CTNND2: variants seen among roughly 807,000 people sequenced by gnomAD.
The protein encoded by CTNND2 is catenin delta-2.
Under a neutral mutation model 144.4 loss-of-function variants are expected in CTNND2, and 22 were observed. The ratio of observed to expected loss-of-function variants is 0.15; its 90% CI spans 0.11 to 0.22. The LOEUF is 0.22. Ranked by LOEUF, CTNND2 falls within the 10% of genes least tolerant of loss-of-function variation. The pLI is 1.00. For missense variants in CTNND2, 1,353 were observed against 1,618.8 expected, an observed-to-expected ratio of 0.84 and a Z score of 2.82; for synonymous variants, 751 against 695.6, an observed-to-expected ratio of 1.08 and a Z score of -1.25.
At chr5:11,716,346 G>A (rs1032172430) in intron 2 of CTNND2, among the ~76,000 whole-genome samples, 1 of 152,178 alleles carries the variant, frequency 6.6e-6, no homozygotes, top group African/African-American at 2.4e-5. Flanking sequence ...AAGGATAAAT[G>A]TAACTTCTCA....
chr5:11,490,974 C>T (rs1170499782), intron 3 of CTNND2, among the ~76,000 whole-genome samples: 3 of 151,970 alleles, frequency 2.0e-5, no homozygotes, highest in Admixed American at 1.3e-4. Context: ...GGTCACAGAG[C>T]GAGACCTTGT....
chr5:11,784,463 C>T (rs916901557), intron 1 of CTNND2, among the ~76,000 whole-genome samples: 23 of 152,100 alleles, frequency 1.5e-4, no homozygotes, highest in Non-Finnish European at 2.9e-4. Flanking sequence ...TAATCCATAT[C>T]CTTTTATTAT....
chr5:11,205,367 GA>G (rs1554000455), intron 10 of CTNND2, among the ~76,000 whole-genome samples: 5 of 152,088 alleles, frequency 3.3e-5, no homozygotes, highest in Non-Finnish European at 2.9e-5. Flanking sequence ...GGAATGCGGT[GA>G]TTTTTTTGCT....
chr5:11,849,398 G>A (rs534121757), intron 1 of CTNND2, among the ~76,000 whole-genome samples: 1 of 152,240 alleles, frequency 6.6e-6, no homozygotes, highest in East Asian at 1.9e-4. Flanking sequence ...AAAAAAATGA[G>A]CCATGATCAG....
At chr5:11,766,444 G>C (rs1379272823) in intron 1 of CTNND2, among the ~76,000 whole-genome samples, 3 of 152,178 alleles carry the variant, frequency 2.0e-5, no homozygotes, top group Non-Finnish European at 4.4e-5. Context: ...AGTCTCACAA[G>C]ATCTGATGGT....
At chr5:11,471,031 G>A (rs1767178894) in intron 3 of CTNND2, among the ~76,000 whole-genome samples, 1 of 140,052 alleles carries the variant, frequency 7.1e-6, no homozygotes, top group African/African-American at 2.6e-5. Context: ...AGGCTGGAGT[G>A]CAGTGGCGCG....
intron 1 of CTNND2, among the ~76,000 whole-genome samples, chr5:11,833,294 T>A (rs1435598886): frequency 6.6e-6 from 1 of 152,166 alleles, no homozygotes; most frequent in Non-Finnish European, 1.5e-5. Flanking sequence ...TACTCAGTAT[T>A]TTTTTAATGT....
At chr5:11,097,242 C>T (rs915897746) in intron 15 of CTNND2, among the ~76,000 whole-genome samples, 4 of 152,176 alleles carry the variant, frequency 2.6e-5, no homozygotes, top group Admixed American at 6.5e-5. Context: ...GATGTAAGTC[C>T]TCATTCCAGG....
intron 2 of CTNND2, among the ~76,000 whole-genome samples, chr5:11,669,006 C>T (rs1783725760): frequency 6.6e-6 from 1 of 152,172 alleles, no homozygotes; most frequent in African/African-American, 2.4e-5. Flanking sequence ...GCCCTTTCTG[C>T]ATCTCTTGAG....
At chr5:11,697,878 G>C (rs1346456781) in intron 2 of CTNND2, among the ~76,000 whole-genome samples, 2 of 152,094 alleles carry the variant, frequency 1.3e-5, no homozygotes, top group Admixed American at 1.3e-4. Flanking sequence ...TATGAAAAAA[G>C]GCAAACAGCA....
Position 11,685,635 on chromosome 5 carries a change from T to A in CTNND2, c.174+46501A>T, listed in dbSNP as rs569177818. On this transcript the variant is annotated intron_variant, in intron 2 of 21. Transcript: ENST00000304623. ...ATGGAAACTCTAAAGACTTTGCATA[T>A]ATCCACTGAAAATTCTTTAAGTTAA... 1.2e-4 allele frequency among the ~76,000 whole-genome samples: 18 copies of A among 152,342 alleles called. No individual in the cohort carries two copies. The East Asian group carries it at 3.3e-3, about 28-fold the overall frequency.
rs1367446744 is a variant in CTNND2, at chr5:11,384,196, T to C, written c.1177+469A>G. ...AATTCATTATTAATTATTTCCCCACTACTATTGAAAACTATGTAAGCTGAA... is the reference window on the plus strand; with the variant it reads ...AATTCATTATTAATTATTTCCCCACCACTATTGAAAACTATGTAAGCTGAA... On this transcript the variant is annotated intron_variant, in intron 7 of 21. Transcript: ENST00000304623. This position sits in a 1 kb window ranked among gnomAD's most constrained non-coding sequence, Gnocchi z 5.2. Among the ~76,000 whole-genome samples the C allele has an allele frequency of 6.6e-6, 1 of 152,210 alleles. No homozygotes were observed. The highest frequency in any genetic ancestry group is 1.5e-5 in the Non-Finnish European group (1 of 68,032).
intron 19 of CTNND2, among the ~76,000 whole-genome samples, chr5:10,992,297 G>C (rs1554018847): frequency 4.6e-5 from 7 of 152,172 alleles, no homozygotes; most frequent in Non-Finnish European, 1.0e-4. Context: ...CTTTATACTC[G>C]TTCCTCCTGA....
chr5:11,054,392 A>G (rs1327705625), intron 16 of CTNND2, among the ~76,000 whole-genome samples: 1 of 152,224 alleles, frequency 6.6e-6, no homozygotes, highest in Non-Finnish European at 1.5e-5. Context: ...AAAATGTACA[A>G]CAATGCCCAA....
intron 9 of CTNND2, among the ~76,000 whole-genome samples, chr5:11,341,887 G>A (rs1437055731): frequency 6.6e-6 from 1 of 152,144 alleles, no homozygotes; most frequent in Admixed American, 6.5e-5. Flanking sequence ...TGGCCAGCCT[G>A]TAGTCCCACC....
chr5:11,586,908 T>G (rs144264043), intron 2 of CTNND2, among the ~76,000 whole-genome samples: 12 of 152,200 alleles, frequency 7.9e-5, no homozygotes, highest in Non-Finnish European at 1.5e-4. Flanking sequence ...TAGTATGTTT[T>G]CAGATATATC....
At chr5:11,309,110 G>A (rs893528702) in intron 9 of CTNND2, among the ~76,000 whole-genome samples, 2 of 152,204 alleles carry the variant, frequency 1.3e-5, no homozygotes, top group Non-Finnish European at 1.5e-5. Flanking sequence ...TGAGATTTGG[G>A]CAGGGACACA....
At chr5:11,815,043 T>C (rs1581928798) in intron 1 of CTNND2, among the ~76,000 whole-genome samples, 2 of 152,240 alleles carry the variant, frequency 1.3e-5, no homozygotes, top group East Asian at 3.8e-4. Context: ...GCCAGAATCC[T>C]ACTTGCTAAA....
intron 3 of CTNND2, among the ~76,000 whole-genome samples, chr5:11,515,490 G>T (rs1303253761): frequency 8.5e-5 from 13 of 152,158 alleles, no homozygotes. Context: ...GGTTAAGAGG[G>T]TTCATGATGT....
Sources: allele counts gnomAD v4.1 joint callset (sites outside exome capture counted in the v4.1 genomes callset), GRCh38; gene constraint gnomAD v4.1.1; non-coding constraint Gnocchi (gnomAD v3.1); transcripts MANE v1.5; gene names NCBI Gene and HGNC (gene_info 2026-07-23, HGNC 2026-07-21).